The following CSMD1 variants were observed in gnomAD, a reference collection of about 807,000 sequenced individuals.
CSMD1 encodes CUB and Sushi multiple domains 1, also known as CUB and sushi domain-containing protein 1.
In CSMD1, 213 loss-of-function variants were observed where a neutral mutation model predicts 417.5. That is an observed-to-expected ratio of 0.51 (90% CI 0.46 to 0.57). The LOEUF is 0.57. CSMD1 is among the 20% of genes least tolerant of loss of function. The pLI is 0.00. For synonymous variants in CSMD1, 2,862 were observed against 1,736.8 expected (o/e 1.65, Z -16.11); for missense variants, 6,923 against 4,529.7 (o/e 1.53, Z -15.17).
intron 1 of CSMD1, among the ~76,000 whole-genome samples, chr8:4,789,291 C>G (rs1797570236): frequency 6.6e-6 from 1 of 152,068 alleles, no homozygotes; most frequent in African/African-American, 2.4e-5. Flanking sequence ...TTTCTAATAC[C>G]AAACATGCAC....
intron 3 of CSMD1, among the ~76,000 whole-genome samples, chr8:4,161,215 A>G (rs1161863180): frequency 6.6e-6 from 1 of 152,220 alleles, no homozygotes; most frequent in Non-Finnish European, 1.5e-5. Context: ...AATTCCATGA[A>G]CAACCCTCTA....
intron 7 of CSMD1, among the ~76,000 whole-genome samples, chr8:3,618,406 A>T (rs1436704224): frequency 2.0e-5 from 3 of 152,174 alleles, no homozygotes; most frequent in African/African-American, 7.2e-5. Context: ...ATTCTTAGTA[A>T]GTACTTCACT....
chr8:3,497,899 T>A (rs1338982108), intron 10 of CSMD1, among the ~76,000 whole-genome samples: 2 of 152,232 alleles, frequency 1.3e-5, no homozygotes, highest in Non-Finnish European at 2.9e-5. Flanking sequence ...TGAATATTAC[T>A]CTTTTGTGTG....
intron 7 of CSMD1, among the ~76,000 whole-genome samples, chr8:3,644,227 C>G (rs1233967158): frequency 1.3e-5 from 2 of 152,246 alleles, no homozygotes; most frequent in Non-Finnish European, 1.5e-5. Flanking sequence ...AATAAACTCC[C>G]CAGGTCGTTG....
intron 6 of CSMD1, among the ~76,000 whole-genome samples, chr8:3,743,701 G>C (rs1000071836): frequency 4.6e-5 from 7 of 152,178 alleles, no homozygotes; most frequent in Non-Finnish European, 1.0e-4. Context: ...TTCCCATAAA[G>C]ACATTCCTAG....
chr8:3,354,646 T>G (rs78215203), intron 21 of CSMD1, among the ~76,000 whole-genome samples: 3,544 of 152,014 alleles, frequency 0.023, 133 homozygotes, highest in African/African-American at 0.081. Context: ...CTATAAACCT[T>G]TATTTTTACA....
intron 23 of CSMD1, among the ~76,000 whole-genome samples, chr8:3,328,322 A>G (rs1322771570): frequency 6.6e-6 from 1 of 152,174 alleles, no homozygotes; most frequent in African/African-American, 2.4e-5. Context: ...GCCTGCCTAT[A>G]TGCTGCTTAA....
chr8:3,507,376 T>C (rs1437537144), intron 10 of CSMD1, among the ~76,000 whole-genome samples: 1 of 152,250 alleles, frequency 6.6e-6, no homozygotes, highest in African/African-American at 2.4e-5. Flanking sequence ...GATGTATTTG[T>C]GCCACATTTT....
intron 1 of CSMD1, among the ~76,000 whole-genome samples, chr8:4,942,687 G>A (rs528909196): frequency 6.6e-5 from 10 of 152,166 alleles, no homozygotes; most frequent in Non-Finnish European, 1.2e-4. Flanking sequence ...ATCACACTGT[G>A]ATAGGCAGTT....
chr8:4,944,562 T>C (rs992581395), intron 1 of CSMD1, among the ~76,000 whole-genome samples: 1 of 152,128 alleles, frequency 6.6e-6, no homozygotes, highest in Non-Finnish European at 1.5e-5. Flanking sequence ...ACAGTCCACC[T>C]GAAGAGACAA....
intron 2 of CSMD1, among the ~76,000 whole-genome samples, chr8:4,526,386 A>G (rs1291964104): frequency 1.3e-5 from 2 of 152,370 alleles, no homozygotes; most frequent in South Asian, 2.1e-4. Flanking sequence ...CTCCTTCAAC[A>G]AGAATTGCAT....
chr8:4,640,038 A>G (rs1803097918), intron 1 of CSMD1, among the ~76,000 whole-genome samples: 1 of 152,224 alleles, frequency 6.6e-6, no homozygotes, highest in African/African-American at 2.4e-5. Flanking sequence ...ATTGGAAAAA[A>G]GAAAAATCAG....
At chr8:3,551,306 T>C (rs1274535043) in intron 10 of CSMD1, among the ~76,000 whole-genome samples, 1 of 152,168 alleles carries the variant, frequency 6.6e-6, no homozygotes, top group Admixed American at 6.5e-5. Flanking sequence ...ATCCAAACTC[T>C]ATATCAATAT....
At chr8:4,197,436 T>C (rs1799403336) in intron 3 of CSMD1, among the ~76,000 whole-genome samples, 1 of 152,200 alleles carries the variant, frequency 6.6e-6, no homozygotes, top group Non-Finnish European at 1.5e-5. Context: ...GCAGATTTCC[T>C]TCTGTAATGT....
chr8:4,286,734 C>G (rs78630872), intron 3 of CSMD1, among the ~76,000 whole-genome samples: 3,304 of 152,244 alleles, frequency 0.022, 136 homozygotes, highest in African/African-American at 0.075. Flanking sequence ...GTAGACTCCC[C>G]AGCATCTGAT....
chr8:4,549,585 T>C (rs1797775718), intron 2 of CSMD1, among the ~76,000 whole-genome samples: 1 of 152,060 alleles, frequency 6.6e-6, no homozygotes, highest in Non-Finnish European at 1.5e-5. Flanking sequence ...GCTGGCACTC[T>C]TGGATCAACA....
intron 5 of CSMD1, among the ~76,000 whole-genome samples, chr8:3,919,589 CTTGCTCAAGA>C (rs1251571283): frequency 3.3e-5 from 5 of 152,028 alleles, no homozygotes; most frequent in African/African-American, 4.8e-5. Context: ...CTGTGTTATT[CTTGCTCAAGA>C]TTGCTTTGGT....
chr8:4,548,752 AGCAGCT>A (rs1797738632), intron 2 of CSMD1, among the ~76,000 whole-genome samples: 1 of 152,122 alleles, frequency 6.6e-6, no homozygotes, highest in Admixed American at 6.6e-5. Flanking sequence ...CCGCTTTGAA[AGCAGCT>A]GCATTCCCAG....
chr8:4,797,937 G>C (rs1030952188), intron 1 of CSMD1, among the ~76,000 whole-genome samples: 1 of 152,128 alleles, frequency 6.6e-6, no homozygotes, highest in Non-Finnish European at 1.5e-5. Context: ...CATAAATGAA[G>C]ACATACATAT....
Sources: gnomAD v4.1 joint callset for allele counts (sites outside exome capture counted in the v4.1 genomes callset) on GRCh38, gnomAD v4.1.1 for gene constraint, MANE v1.5 for transcripts, NCBI Gene and HGNC (gene_info 2026-07-23, HGNC 2026-07-21) for gene names.